The following RBFOX3 variants were observed in gnomAD, a reference collection of about 807,000 sequenced individuals.
The protein encoded by RBFOX3 is RNA binding fox-1 homolog 3.
In RBFOX3, 17 loss-of-function variants were observed where a neutral mutation model predicts 48.7. That is an observed-to-expected ratio of 0.35 (90% CI 0.24 to 0.52). The LOEUF (loss-of-function observed/expected upper bound fraction) is 0.52, where lower values mean the gene tolerates loss of function less well. RBFOX3 is among the 20% of genes least tolerant of loss of function. The pLI is 0.94. For missense variants in RBFOX3, 382 were observed against 497.5 expected (o/e 0.77, Z 2.21); for synonymous variants, 212 against 209.5 (o/e 1.01, Z -0.10).
intron 4 of RBFOX3, chr17:79,183,406 C>T (rs2052624156): frequency 1.3e-5 from 2 of 152,386 alleles, no homozygotes; most frequent in African/African-American, 2.4e-5. Context: ...GCTCTGCGCT[C>T]GCTGCGTCCC....
intron 1 of RBFOX3, among the ~76,000 whole-genome samples, chr17:79,580,361 T>C (rs1365645717): frequency 3.4e-5 from 5 of 147,350 alleles, no homozygotes; most frequent in Non-Finnish European, 7.5e-5. Context: ...AACAACTCCC[T>C]CATCCCACCC....
chr17:79,653,029 A>G, the RBFOX3 span, among the ~76,000 whole-genome samples: 9 of 151,272 alleles, frequency 5.9e-5, no homozygotes, highest in East Asian at 1.9e-4. Context: ...ATTTAGTGGG[A>G]AAAAAAATGC....
At chr17:79,517,171 C>T (rs1044181533) in intron 1 of RBFOX3, among the ~76,000 whole-genome samples, 5 of 152,106 alleles carry the variant, frequency 3.3e-5, no homozygotes, top group African/African-American at 9.6e-5. Context: ...GAGGGCCGGG[C>T]GCAGTGGCTT....
chr17:79,478,474 T>C (rs76512474), intron 2 of RBFOX3, among the ~76,000 whole-genome samples: 4,411 of 152,308 alleles, frequency 0.029, 230 homozygotes, highest in African/African-American at 0.092. Context: ...TCTCATGCTG[T>C]CTGCATCAGG....
At chr17:79,121,892 A>T (rs1191999171) in intron 4 of RBFOX3, among the ~76,000 whole-genome samples, 1 of 152,014 alleles carries the variant, frequency 6.6e-6, no homozygotes, top group African/African-American at 2.4e-5. Flanking sequence ...TTTTATCTCC[A>T]TCCTGGACTT....
chr17:79,659,647 C>T, the RBFOX3 span, among the ~76,000 whole-genome samples: 1 of 152,180 alleles, frequency 6.6e-6, no homozygotes, highest in Non-Finnish European at 1.5e-5. Flanking sequence ...AGAGACTGAT[C>T]CAGTGATTCT....
At chr17:79,301,641 A>G (rs996289726) in intron 3 of RBFOX3, among the ~76,000 whole-genome samples, 1 of 152,178 alleles carries the variant, frequency 6.6e-6, no homozygotes, top group Non-Finnish European at 1.5e-5. Context: ...GACAGTCATG[A>G]CAATGCAGAC....
At chr17:79,119,003 T>TA (rs2034964815) in intron 4 of RBFOX3, among the ~76,000 whole-genome samples, 1 of 135,906 alleles carries the variant, frequency 7.4e-6, no homozygotes, top group African/African-American at 2.7e-5. Flanking sequence ...ATAAAGAAAA[T>TA]AAAATAAAAA....
At chr17:79,348,127 C>T (rs1277622622) in intron 2 of RBFOX3, among the ~76,000 whole-genome samples, 1 of 152,198 alleles carries the variant, frequency 6.6e-6, no homozygotes, top group Non-Finnish European at 1.5e-5. Context: ...CCTCCCCAAG[C>T]CTGAAATAGT....
chr17:79,168,057 T>C (rs772213231), intron 4 of RBFOX3, among the ~76,000 whole-genome samples: 8 of 152,244 alleles, frequency 5.3e-5, no homozygotes, highest in Non-Finnish European at 1.0e-4. Flanking sequence ...GGGAGGGTGG[T>C]TGGCACTTTA....
At chr17:79,465,814 G>A (rs1555753351) in intron 2 of RBFOX3, among the ~76,000 whole-genome samples, 1 of 152,196 alleles carries the variant, frequency 6.6e-6, no homozygotes, top group Non-Finnish European at 1.5e-5. Flanking sequence ...GAGTAGGCAC[G>A]GGATCGCGGC....
chr17:79,125,302 A>G (rs78738178), intron 4 of RBFOX3, among the ~76,000 whole-genome samples: 4,377 of 152,226 alleles, frequency 0.029, 209 homozygotes, highest in African/African-American at 0.098. Context: ...CCTGTGCACT[A>G]GCCCCACCAC....
intron 1 of RBFOX3, among the ~76,000 whole-genome samples, chr17:79,559,159 G>C (rs1468552408): frequency 6.6e-6 from 1 of 152,154 alleles, no homozygotes; most frequent in African/African-American, 2.4e-5. Context: ...GATGGGAGGG[G>C]CGGGGGTTGT....
At chr17:79,622,499 C>T in the RBFOX3 span, among the ~76,000 whole-genome samples, 5 of 152,194 alleles carry the variant, frequency 3.3e-5, no homozygotes, top group Admixed American at 1.3e-4. Flanking sequence ...CTCAGAGGAC[C>T]GCAGACTGTG....
At position 79,483,601 on chromosome 17, in the gene RBFOX3, C is replaced by T. The variant is rs1429444227; in HGVS notation, c.-319-1003G>A. Among the ~76,000 whole-genome samples the T allele has an allele frequency of 2.0e-5, 3 of 150,500 alleles. No homozygotes were observed. In the East Asian group the frequency reaches 6.1e-4, roughly 30 times the overall value. On this transcript the variant is annotated intron_variant, in intron 1 of 14. Coordinates refer to ENST00000693108, the MANE Select transcript of RBFOX3 (RefSeq NM_001350451.2). The stretch of plus-strand genomic sequence containing the variant: ...TTCCCCACGAATTTCCCCCCAGGGA[C>T]TTAGCACATCTGGCTTCATGCGGAT...
At chr17:79,573,753 C>T (rs1411542485) in intron 1 of RBFOX3, among the ~76,000 whole-genome samples, 4 of 152,212 alleles carry the variant, frequency 2.6e-5, no homozygotes, top group Non-Finnish European at 4.4e-5. Flanking sequence ...CCCCTCCCCC[C>T]GGCATCACCT....
intron 2 of RBFOX3, among the ~76,000 whole-genome samples, chr17:79,417,056 C>T (rs1360857633): frequency 2.0e-5 from 3 of 152,234 alleles, no homozygotes; most frequent in African/African-American, 7.2e-5. Flanking sequence ...CCCTGCCGCT[C>T]TCCCCAGCTC....
chr17:79,291,912 G>A (rs558288392), intron 3 of RBFOX3, among the ~76,000 whole-genome samples: 4 of 152,240 alleles, frequency 2.6e-5, no homozygotes, highest in Middle Eastern at 3.4e-3. Context: ...GCTTCACCAC[G>A]GAGCTGAACC....
At chr17:79,652,883 T>C in the RBFOX3 span, among the ~76,000 whole-genome samples, 6 of 151,914 alleles carry the variant, frequency 3.9e-5, no homozygotes, top group South Asian at 4.1e-4. Flanking sequence ...GTCCAAACAA[T>C]GAAAACTATA....
Sources: allele counts gnomAD v4.1 joint callset (sites outside exome capture counted in the v4.1 genomes callset), GRCh38; gene constraint gnomAD v4.1.1; transcripts MANE v1.5; gene names NCBI Gene and HGNC (gene_info 2026-07-23, HGNC 2026-07-21).